The following ATXN7L1 variants were observed in gnomAD, a reference collection of about 807,000 sequenced individuals.
ATXN7L1 encodes the protein ataxin-7-like protein 1.
Under a neutral mutation model 70.8 loss-of-function variants are expected in ATXN7L1, and 15 were observed. The observed-to-expected ratio is 0.21, with a 90% CI of 0.14 to 0.33. The LOEUF (loss-of-function observed/expected upper bound fraction) is 0.33, where lower values mean the gene tolerates loss of function less well. ATXN7L1 is among the 10% of genes least tolerant of loss of function. ATXN7L1 has a pLI of 1.00. For synonymous variants in ATXN7L1, 440 were observed against 445.1 expected (o/e 0.99, Z 0.14); for missense variants, 975 against 1,097.1 (o/e 0.89, Z 1.57).
intron 4 of ATXN7L1, among the ~76,000 whole-genome samples, chr7:105,657,702 C>CAAAAAAAAAAAAAAA (rs71155465): frequency 3.8e-4 from 10 of 26,114 alleles, no homozygotes; most frequent in Non-Finnish European, 5.2e-4. Context: ...GACCCTGTCT[C>CAAAAAAAAAAAAAAA]AAAAAAAAAA....
chr7:105,838,818 G>T (rs1812788338), intron 2 of ATXN7L1, among the ~76,000 whole-genome samples: 1 of 152,208 alleles, frequency 6.6e-6, no homozygotes, highest in Non-Finnish European at 1.5e-5. Flanking sequence ...AGGAGTCTAG[G>T]AATGTTCCAT....
At chr7:105,692,411 T>TTCCTTCCCTCCC (rs1554431636) in intron 3 of ATXN7L1, among the ~76,000 whole-genome samples, 7 of 119,416 alleles carry the variant, frequency 5.9e-5, no homozygotes, top group African/African-American at 1.9e-4. Flanking sequence ...CCTTCCTTCC[T>TTCCTTCCCTCCC]TCCTTCCTTC....
At chr7:105,727,746 G>GTGTGTATATATATATATA (rs1333693053) in intron 3 of ATXN7L1, among the ~76,000 whole-genome samples, 42 of 55,330 alleles carry the variant, frequency 7.6e-4, no homozygotes, top group Admixed American at 1.2e-3. Context: ...GTGTATGTGT[G>GTGTGTATATATATATATA]TATATATATA....
At chr7:105,762,346 C>T (rs1183466543) in intron 3 of ATXN7L1, among the ~76,000 whole-genome samples, 2 of 152,186 alleles carry the variant, frequency 1.3e-5, no homozygotes, top group African/African-American at 4.8e-5. Context: ...ATGCACAGTG[C>T]TGTGTACTGC....
chr7:105,729,492 C>A (rs2116325149), intron 3 of ATXN7L1, among the ~76,000 whole-genome samples: 1 of 148,668 alleles, frequency 6.7e-6, no homozygotes, highest in South Asian at 2.1e-4. Flanking sequence ...TGCAGTGGTG[C>A]AATCTCAGCT....
At chr7:105,670,875 G>A (rs935608383) in intron 3 of ATXN7L1, among the ~76,000 whole-genome samples, 14 of 152,070 alleles carry the variant, frequency 9.2e-5, no homozygotes, top group Non-Finnish European at 7.4e-5. Context: ...GGGAGGCCGA[G>A]GCGGATGGAT....
At chr7:105,686,728 A>G (rs1806226215) in intron 3 of ATXN7L1, among the ~76,000 whole-genome samples, 1 of 152,254 alleles carries the variant, frequency 6.6e-6, no homozygotes, top group Non-Finnish European at 1.5e-5. Context: ...GAATGGTTAC[A>G]TGGGTACTTA....
At position 105,628,130 on chromosome 7, in the gene ATXN7L1, A is replaced by G. The variant is rs534883189; in HGVS notation, c.1203-3863T>C. 2.4e-3 allele frequency among the ~76,000 whole-genome samples: 361 copies of G among 152,242 alleles called. 3 individuals are homozygous for G. Among genetic ancestry groups the G allele is most frequent in the African/African-American group, 8.2e-3 (339 of 41,552 alleles). On this transcript the variant is annotated intron_variant, in intron 7 of 11. Transcript: ENST00000419735. ...AGTGTTGGGATTACAGGTGTGAGCC[A>G]CTGTGCCCGGCCTGTCTTTACTTTT...
chr7:105,689,691 G>A (rs1257155588), intron 3 of ATXN7L1, among the ~76,000 whole-genome samples: 1 of 152,182 alleles, frequency 6.6e-6, no homozygotes. Context: ...CCACACACAG[G>A]GGCAGATTTG....
chr7:105,788,931 A>G (rs1396655894), intron 2 of ATXN7L1, among the ~76,000 whole-genome samples: 1 of 152,216 alleles, frequency 6.6e-6, no homozygotes, highest in Non-Finnish European at 1.5e-5. Context: ...CTGGAAATGC[A>G]CTGCGGCTGC....
At chr7:105,769,705 G>A (rs1801730162) in intron 3 of ATXN7L1, among the ~76,000 whole-genome samples, 1 of 152,162 alleles carries the variant, frequency 6.6e-6, no homozygotes, top group Admixed American at 6.5e-5. Context: ...TACAGTATCT[G>A]AAGAGAAGAC....
At chr7:105,757,606 G>T (rs1468606559) in intron 3 of ATXN7L1, among the ~76,000 whole-genome samples, 1 of 121,414 alleles carries the variant, frequency 8.2e-6, no homozygotes, top group Admixed American at 1.0e-4. Context: ...TTTGAGACAG[G>T]TCTCACTCTG....
intron 11 of ATXN7L1, among the ~76,000 whole-genome samples, chr7:105,608,883 C>T (rs1035247481): frequency 2.6e-5 from 4 of 152,142 alleles, no homozygotes; most frequent in East Asian, 1.9e-4. Flanking sequence ...CATAACAACA[C>T]GGTTATATAT....
chr7:105,656,134 G>A (rs1625272), intron 4 of ATXN7L1, among the ~76,000 whole-genome samples: 2,455 of 152,210 alleles, frequency 0.016, 61 homozygotes, highest in African/African-American at 0.056. Context: ...CCATCAATTC[G>A]CCAGGCCAGA....
chr7:105,808,533 G>A (rs532491553), intron 2 of ATXN7L1, among the ~76,000 whole-genome samples: 92 of 152,290 alleles, frequency 6.0e-4, no homozygotes, highest in Non-Finnish European at 1.1e-3. Flanking sequence ...TGGGAAGGAA[G>A]CATCAACTAA....
chr7:105,706,060 A>C (rs1563022462), intron 3 of ATXN7L1, among the ~76,000 whole-genome samples: 1 of 152,254 alleles, frequency 6.6e-6, no homozygotes, highest in Non-Finnish European at 1.5e-5. Flanking sequence ...GTAAAGCAAG[A>C]GAGAAATGCA....
intron 5 of ATXN7L1, among the ~76,000 whole-genome samples, chr7:105,640,359 C>T (rs1265779534): frequency 5.9e-5 from 9 of 151,612 alleles, no homozygotes; most frequent in East Asian, 2.0e-4. Flanking sequence ...GATGTCTGTG[C>T]GGAGAGGCCA....
intron 4 of ATXN7L1, among the ~76,000 whole-genome samples, chr7:105,646,741 C>T (rs1435240693): frequency 1.4e-5 from 2 of 139,760 alleles, no homozygotes; most frequent in Non-Finnish European, 1.5e-5. Context: ...TGAGACCAGC[C>T]TGGACAACAC....
At chr7:105,656,572 C>A in intron 4 of ATXN7L1, among the ~76,000 whole-genome samples, 1 of 119,688 alleles carries the variant, frequency 8.4e-6, no homozygotes. Flanking sequence ...CTTTCTTCTT[C>A]TTCCTTTTTT....
Sources: gnomAD v4.1 joint callset for allele counts (sites outside exome capture counted in the v4.1 genomes callset) on GRCh38, gnomAD v4.1.1 for gene constraint, MANE v1.5 for transcripts, NCBI Gene and HGNC (gene_info 2026-07-23, HGNC 2026-07-21) for gene names.